Variants in ZPBP observed in about 807,000 individuals in gnomAD.
The protein encoded by ZPBP is zona pellucida-binding protein 1.
Under a neutral mutation model 44.8 loss-of-function variants are expected in ZPBP, and 26 were observed. That is an observed-to-expected ratio of 0.58 (90% CI 0.43 to 0.81). The LOEUF (loss-of-function observed/expected upper bound fraction) is 0.81, where lower values mean the gene tolerates loss of function less well. Ranked by LOEUF, ZPBP falls within the 30% of genes least tolerant of loss-of-function variation. The probability of loss-of-function intolerance (pLI) is 0.00; values close to 1 mark genes in which losing one functional copy is unlikely to be tolerated. For missense variants in ZPBP, 409 were observed against 434.0 expected, an observed-to-expected ratio of 0.94 and a Z score of 0.51; for synonymous variants, 174 against 153.2, an observed-to-expected ratio of 1.14 and a Z score of -1.00.
rs577230240 is a variant in ZPBP at position 49,999,931 on chromosome 7, C to T, written c.784-16412G>A. On this transcript the variant is annotated intron_variant, in intron 6 of 7. Transcript: ENST00000046087. ...GATAATAATCGATCTTTCTTCTCGC[C>T]AAATTTTGAAGCAAAAATTATAACC... is the stretch of plus-strand genomic sequence containing the variant. 2.0e-5 allele frequency among the ~76,000 whole-genome samples: 3 copies of T among 152,026 alleles called. No homozygotes were observed. The East Asian group carries it at 5.8e-4, about 29-fold the overall frequency.
chr7:49,979,306 T>A (rs959619727), intron 7 of ZPBP, among the ~76,000 whole-genome samples: 4 of 152,030 alleles, frequency 2.6e-5, no homozygotes, highest in African/African-American at 9.7e-5. Flanking sequence ...CCCTTAACAG[T>A]CTCTTGTTCC....
intron 1 of ZPBP, among the ~76,000 whole-genome samples, chr7:49,910,976 T>A (rs1793382009): frequency 6.6e-6 from 1 of 152,204 alleles, no homozygotes; most frequent in South Asian, 2.1e-4. Context: ...AAAGCTGCCC[T>A]CGGAGGCCTG....
intron 7 of ZPBP, among the ~76,000 whole-genome samples, chr7:49,945,728 C>T (rs555675750): frequency 2.0e-5 from 3 of 151,592 alleles, no homozygotes; most frequent in South Asian, 2.1e-4. Flanking sequence ...TGTGTGTGTC[C>T]GTCTGGGTGT....
chr7:50,037,028 A>G (rs1331268791), intron 4 of ZPBP, among the ~76,000 whole-genome samples: 2 of 152,100 alleles, frequency 1.3e-5, no homozygotes, highest in Non-Finnish European at 2.9e-5. Context: ...ACTACACAAA[A>G]CACTATAAAT....
At chr7:50,050,804 A>AC (rs1800654529) in intron 4 of ZPBP, among the ~76,000 whole-genome samples, 2 of 150,210 alleles carry the variant, frequency 1.3e-5, no homozygotes, top group East Asian at 1.9e-4. Context: ...AAAAAAAAAA[A>AC]AAAAAAAAAA....
At chr7:50,075,822 A>C (rs1173149228) in intron 3 of ZPBP, among the ~76,000 whole-genome samples, 1 of 151,980 alleles carries the variant, frequency 6.6e-6, no homozygotes, top group Non-Finnish European at 1.5e-5. Context: ...TAAACGAAAC[A>C]TTTGAAGAAG....
rs35997351 is a variant in ZPBP, at chr7:50,028,284, TA to T, written c.706+2807del. Among the ~76,000 whole-genome samples the T allele has an allele frequency of 1.8e-3, 272 of 151,014 alleles. 3 individuals carry two copies. Among genetic ancestry groups the T allele is most frequent in the African/African-American group, 6.0e-3 (247 of 41,230 alleles). Reference sequence around the variant, plus strand: ...CATTAATAGAAGGCAGGGTGAAAATTAAAAAAAAAACACATGATAATCTCAT... The same window carrying T: ...CATTAATAGAAGGCAGGGTGAAAATTAAAAAAAAACACATGATAATCTCAT... On this transcript the variant is annotated intron_variant, in intron 5 of 7. Coordinates refer to ENST00000046087, the MANE Select transcript of ZPBP (RefSeq NM_007009.3).
At chr7:49,919,080 A>T (rs898816217) in intron 1 of ZPBP, 3 of 150,596 alleles carry the variant, frequency 2.0e-5, no homozygotes, top group Admixed American at 6.6e-5. Flanking sequence ...TCAGTGATGG[A>T]ACTGAGGCCA....
At chr7:49,896,187 A>T (rs1434390967) in intron 2 of ZPBP, among the ~76,000 whole-genome samples, 1 of 152,154 alleles carries the variant, frequency 6.6e-6, no homozygotes, top group Non-Finnish European at 1.5e-5. Context: ...CTAAAAATAC[A>T]AAAATTAGTC....
At chr7:49,942,257 T>C in intron 7 of ZPBP, 1 of 213,122 alleles carries the variant, frequency 4.7e-6, no homozygotes, top group South Asian at 8.1e-5. Flanking sequence ...ACTGCTAATA[T>C]CTGAATTTTT....
chr7:49,867,712 C>T (rs1398099370), intron 2 of ZPBP, among the ~76,000 whole-genome samples: 5 of 152,218 alleles, frequency 3.3e-5, no homozygotes, highest in East Asian at 3.8e-4. Flanking sequence ...GTCAGTCAGC[C>T]ACGATCCCAT....
intron 3 of ZPBP, among the ~76,000 whole-genome samples, chr7:50,074,754 A>T (rs1448917948): frequency 6.6e-6 from 1 of 151,978 alleles, no homozygotes; most frequent in Non-Finnish European, 1.5e-5. Context: ...ACATGGGAGC[A>T]CTCAGATATA....
chr7:49,847,056 GA>G (rs1390039659), downstream of ZPBP, among the ~76,000 whole-genome samples: 8 of 152,094 alleles, frequency 5.3e-5, no homozygotes, highest in Non-Finnish European at 1.0e-4. Context: ...GGATGTCTTT[GA>G]AAATGTTGGC....
At chr7:50,009,217 A>G (rs1325661983) in intron 6 of ZPBP, among the ~76,000 whole-genome samples, 1 of 140,738 alleles carries the variant, frequency 7.1e-6, no homozygotes. Flanking sequence ...AGCCTGGGTG[A>G]CAGAAAGACT....
chr7:50,077,507 A>T (rs141364294), intron 3 of ZPBP, among the ~76,000 whole-genome samples: 1 of 151,792 alleles, frequency 6.6e-6, no homozygotes. Flanking sequence ...TTTGACAAGG[A>T]TTAATATCCA....
chr7:50,000,170 T>C (rs1562834949), intron 6 of ZPBP, among the ~76,000 whole-genome samples: 2 of 152,132 alleles, frequency 1.3e-5, no homozygotes, highest in South Asian at 2.1e-4. Flanking sequence ...AAAATGAGGA[T>C]ATAAAAAATA....
intron 2 of ZPBP, among the ~76,000 whole-genome samples, chr7:49,894,953 A>G (rs1486539673): frequency 6.6e-6 from 1 of 152,214 alleles, no homozygotes; most frequent in Non-Finnish European, 1.5e-5. Flanking sequence ...TAAGGGATGG[A>G]AGATGGCTCT....
chr7:50,005,001 A>G (rs1244211184), intron 6 of ZPBP, among the ~76,000 whole-genome samples: 1 of 151,040 alleles, frequency 6.6e-6, no homozygotes, highest in African/African-American at 2.4e-5. Context: ...AGCAGAAGTT[A>G]TCATTAAACT....
chr7:49,899,836 C>T (rs1792616019), intron 2 of ZPBP, among the ~76,000 whole-genome samples: 1 of 151,930 alleles, frequency 6.6e-6, no homozygotes, highest in African/African-American at 2.4e-5. Flanking sequence ...TAATTGACAT[C>T]TATTGACTAC....
Sources: allele counts gnomAD v4.1 joint callset (sites outside exome capture counted in the v4.1 genomes callset), GRCh38; gene constraint gnomAD v4.1.1; transcripts MANE v1.5; gene names NCBI Gene and HGNC (gene_info 2026-07-23, HGNC 2026-07-21).